The following FRAS1 variants were observed in gnomAD, a reference collection of about 807,000 sequenced individuals.
The protein encoded by FRAS1 is Fraser extracellular matrix complex subunit 1.
FRAS1 carries 290 observed loss-of-function variants against 435.2 expected under a neutral mutation model. The observed-to-expected ratio is 0.67, with a 90% confidence interval of 0.61 to 0.73. The LOEUF is 0.73. FRAS1 is among the 30% of genes least tolerant of loss of function. FRAS1 has a pLI of 0.00. For synonymous variants in FRAS1, 1,800 were observed against 1,851.0 expected, an observed-to-expected ratio of 0.97 and a Z score of 0.71; for missense variants, 4,860 against 5,001.5, an observed-to-expected ratio of 0.97 and a Z score of 0.85.
At position 78,255,344 on chromosome 4, in the gene FRAS1, C is replaced by T. The variant is rs374819478; in HGVS notation, c.572C>T (p.Thr191Ile). ...LCRNGVAQCF[T>I]AQCQPLFCNQ... ...AGAAATGGGGTTGCCCAGTGCTTCA[C>T]AGCTCAGTGTCAGCCTCTATTTTGT... Residue 191 changes from threonine (T) to isoleucine (I), a missense_variant, in exon 6 of 74, where the codon ACA becomes ATA. Physicochemically the swap from Thr to Ile is moderately conservative, Grantham distance 89 (BLOSUM62 -1). Transcript: ENST00000512123. 100 of 1,590,192 alleles carry T rather than the reference C, an allele frequency of 6.3e-5. No homozygotes were observed. The African/African-American group carries it at 1.2e-3, about 20-fold the overall frequency.
intron 14 of FRAS1, among the ~76,000 whole-genome samples, chr4:78,295,201 T>TG (rs1268661730): frequency 6.6e-6 from 1 of 152,264 alleles, no homozygotes; most frequent in African/African-American, 2.4e-5. Context: ...TATGTAACCA[T>TG]GATGTAAACA....
At chr4:78,272,977 C>A (rs753558976) in intron 9 of FRAS1, among the ~76,000 whole-genome samples, 7 of 152,162 alleles carry the variant, frequency 4.6e-5, no homozygotes, top group Non-Finnish European at 8.8e-5. Context: ...TTTGTGTCCT[C>A]TTTTATTTCA....
At chr4:78,223,615 A>G (rs1205872676) in intron 2 of FRAS1, among the ~76,000 whole-genome samples, 1 of 152,110 alleles carries the variant, frequency 6.6e-6, no homozygotes, top group Non-Finnish European at 1.5e-5. Flanking sequence ...AGGTACTTCC[A>G]TTCCTCTTCT....
In FRAS1 at chr4:78,379,962, A is replaced by G. The variant is rs769982793; in HGVS notation, c.3529A>G (p.Lys1177Glu). Residue 1177 changes from lysine to glutamate, a missense_variant, in exon 27 of 74, where the codon AAA becomes GAA. By Grantham distance (56) the Lys-to-Glu change is moderately conservative. Coordinates refer to ENST00000512123, the MANE Select transcript of FRAS1 (RefSeq NM_025074.7). ...TAGCTGGAAAGATGTGAACGAGAAGAAAGTGCGTTTTGTGCACAGCAAAGA... is the reference window on the plus strand; with the variant it reads ...TAGCTGGAAAGATGTGAACGAGAAGGAAGTGCGTTTTGTGCACAGCAAAGA... The part of the protein sequence containing the change: ...RFSWKDVNEK[K>E]VRFVHSKEKL... 18 of 1,613,662 alleles carry G rather than the reference A, an allele frequency of 1.1e-5. No homozygotes were observed. In the East Asian group the frequency reaches 4.0e-4, roughly 36 times the overall value.
rs543350027 is a variant in FRAS1, at chr4:78,119,053, T to G, written c.108+53037T>G. Among the ~76,000 whole-genome samples, 32 of 152,108 alleles carry G rather than the reference T, an allele frequency of 2.1e-4. 1 individual carries two copies. Among genetic ancestry groups the G allele is most frequent in the South Asian group, 4.1e-4 (2 of 4,822 alleles). ...TTCTCCCAGTATAAACATTATCTTATCATGTTCTTTTAAAAAAATAATTGT... is the reference window on the plus strand; with the variant it reads ...TTCTCCCAGTATAAACATTATCTTAGCATGTTCTTTTAAAAAAATAATTGT... On this transcript the variant is annotated intron_variant, in intron 2 of 73. Coordinates refer to ENST00000512123, the MANE Select transcript of FRAS1 (RefSeq NM_025074.7).
intron 24 of FRAS1, among the ~76,000 whole-genome samples, chr4:78,373,329 A>T (rs1324670783): frequency 3.9e-5 from 6 of 151,928 alleles, no homozygotes; most frequent in Non-Finnish European, 7.4e-5. Context: ...CAGACCCTGA[A>T]ATTCCCATCA....
In FRAS1 at chr4:78,468,485, A is replaced by ACATCATCATCATCATCATCAT. The variant is rs11267487; in HGVS notation, c.7258-1477_7258-1457dup. On this transcript the variant is annotated intron_variant, in intron 50 of 73. Coordinates refer to ENST00000512123, the MANE Select transcript of FRAS1 (RefSeq NM_025074.7). ...AACATCAGATAAACTGAAGCTGTAA[A>ACATCATCATCATCATCATCAT]CATCATCATCATCATCATCATCATC... Among the ~76,000 whole-genome samples, 338 of 150,248 alleles carry ACATCATCATCATCATCATCAT rather than the reference A, an allele frequency of 2.2e-3. 2 individuals are homozygous for ACATCATCATCATCATCATCAT. The highest frequency in any genetic ancestry group is 5.7e-3 in the East Asian group (29 of 5,078).
intron 27 of FRAS1, among the ~76,000 whole-genome samples, chr4:78,380,506 G>A (rs1474665935): frequency 6.6e-6 from 1 of 152,196 alleles, no homozygotes; most frequent in Non-Finnish European, 1.5e-5. Flanking sequence ...TTCCCCTGAT[G>A]CTTAGCACAC....
chr4:78,122,997 A>T (rs1719116208), intron 2 of FRAS1, among the ~76,000 whole-genome samples: 1 of 152,076 alleles, frequency 6.6e-6, no homozygotes, highest in South Asian at 2.1e-4. Flanking sequence ...CCCATTTGTC[A>T]ATTTTGGCTT....
At chr4:78,367,270 T>C (rs534019983) in intron 22 of FRAS1, among the ~76,000 whole-genome samples, 1 of 152,104 alleles carries the variant, frequency 6.6e-6, no homozygotes, top group East Asian at 1.9e-4. Context: ...CTGGGCATGG[T>C]GGCATGTGCC....
chr4:78,116,399 C>T (rs1199636916), intron 2 of FRAS1, among the ~76,000 whole-genome samples: 1 of 152,130 alleles, frequency 6.6e-6, no homozygotes, highest in Non-Finnish European at 1.5e-5. Flanking sequence ...AACTTTCTGT[C>T]TCGTTGATCT....
chr4:78,263,050 G>A (rs1726188180), intron 6 of FRAS1, among the ~76,000 whole-genome samples: 1 of 152,190 alleles, frequency 6.6e-6, no homozygotes, highest in South Asian at 2.1e-4. Context: ...TTGTTTGTTG[G>A]CCCGTGTATT....
chr4:78,081,239 A>G (rs1459893607), intron 2 of FRAS1, among the ~76,000 whole-genome samples: 1 of 152,186 alleles, frequency 6.6e-6, no homozygotes. Context: ...TAGACCAGCA[A>G]CTTCAATAGA....
Position 78,541,050 on chromosome 4 carries a change from A to G in FRAS1, c.11965A>G (p.Lys3989Glu), listed in dbSNP as rs535925318. 1.1e-5 allele frequency: 16 copies of G among 1,451,382 alleles called. No individual in the cohort carries two copies. The South Asian group carries it at 2.4e-4, about 22-fold the overall frequency. 89.9% of individuals were successfully genotyped at this position (1,451,382 alleles called of 1,614,324 possible). Residue 3989 changes from lysine to glutamate, a missense_variant, in exon 74 of 74, where the codon AAA becomes GAA. Lys to Glu is a moderately conservative substitution (Grantham distance 56). Transcript: ENST00000512123. ...LSEPEAAYTF[K>E]GAKVKRLNLE... ...TGAGCCTGAGGCGGCTTACACGTTC[A>G]AAGGTGCTAAAGTCAAAAGACTGAA...
At chr4:78,357,110 C>T (rs115596198) in intron 20 of FRAS1, among the ~76,000 whole-genome samples, 3,687 of 152,254 alleles carry the variant, frequency 0.024, 61 homozygotes, top group Admixed American at 0.06. Flanking sequence ...CTCTTGGAAC[C>T]CTTTCCAAAC....
In FRAS1 at chr4:78,445,715, A is replaced by G; in HGVS notation, c.5856+3A>G. ...ACAGCATCAATATCACCATTGAGGT[A>G]AAGACTTTGGAAGTTGGAAAGGTTG... On this transcript the variant is annotated splice_donor_region_variant and intron_variant, in intron 42 of 73. Transcript: ENST00000512123. The G allele has an allele frequency of 6.2e-7, 1 of 1,613,846 alleles. No homozygotes were observed. The highest frequency in any genetic ancestry group is 8.5e-7 in the Non-Finnish European group (1 of 1,179,758).
In FRAS1 at chr4:78,472,249, TATGAG is replaced by T. The variant is rs760754357; in HGVS notation, c.7444_7448del (p.Glu2482AsnfsTer5). 16 of 1,613,874 alleles carry T rather than the reference TATGAG, an allele frequency of 9.9e-6. No individual in the cohort carries two copies. Among genetic ancestry groups the T allele is most frequent in the Non-Finnish European group, 1.3e-5 (15 of 1,179,812 alleles). ...AGACACCGAGGACGCGCAGCTTGTCTATGAGATAACGACGGGCCCTAAGCATGGCT... is the reference window on the plus strand; with the variant it reads ...AGACACCGAGGACGCGCAGCTTGTCTATAACGACGGGCCCTAAGCATGGCT... On this transcript the variant is annotated frameshift_variant, in exon 52 of 74. Transcript: ENST00000512123. LOFTEE classifies it high-confidence loss of function.
chr4:78,437,150 A>G (rs769700022), intron 38 of FRAS1, among the ~76,000 whole-genome samples: 1 of 152,196 alleles, frequency 6.6e-6, no homozygotes. Context: ...TAGCAGTTAT[A>G]TGAGATTTGA....
At chr4:78,465,719 G>C (rs1030327514) in intron 49 of FRAS1, among the ~76,000 whole-genome samples, 5 of 150,496 alleles carry the variant, frequency 3.3e-5, no homozygotes, top group Non-Finnish European at 7.4e-5. Flanking sequence ...TTAGGCCTTG[G>C]CATTTTGTTT....
Sources: allele counts gnomAD v4.1 joint callset (sites outside exome capture counted in the v4.1 genomes callset), GRCh38; gene constraint gnomAD v4.1.1; transcripts MANE v1.5; gene names NCBI Gene and HGNC (gene_info 2026-07-23, HGNC 2026-07-21).